CRYBG1: variants seen among roughly 807,000 people sequenced by gnomAD.
The protein encoded by CRYBG1 is crystallin beta-gamma domain containing 1.
Under a neutral mutation model 189.2 loss-of-function variants are expected in CRYBG1, and 139 were observed. The observed-to-expected ratio is 0.73, with a 90% CI of 0.64 to 0.85. CRYBG1 has a LOEUF of 0.85. Among genes scored for constraint, CRYBG1 ranks in the 40% least tolerant of loss-of-function variants. The probability of loss-of-function intolerance (pLI) is 0.00; values close to 1 mark genes in which losing one functional copy is unlikely to be tolerated. For missense variants in CRYBG1, 2,611 were observed against 2,675.8 expected, an observed-to-expected ratio of 0.98 and a Z score of 0.53; for synonymous variants, 1,023 against 1,017.1, an observed-to-expected ratio of 1.01 and a Z score of -0.11.
intron 17 of CRYBG1, among the ~76,000 whole-genome samples, chr6:106,557,604 T>C (rs1774582075): frequency 1.3e-5 from 2 of 152,134 alleles, no homozygotes; most frequent in Admixed American, 6.5e-5. Flanking sequence ...TGTTTGTTTT[T>C]GTATTTTTAA....
chr6:106,544,974 T>C lies in CRYBG1; in HGVS notation c.5312+41T>C, dbSNP rs1162150181. Reference sequence around the variant, plus strand: ...CAGTTGGAATTTTAAACATGCGTTTTACCTTGGTTTGTTTTAAACTGGTAA... The same window carrying C: ...CAGTTGGAATTTTAAACATGCGTTTCACCTTGGTTTGTTTTAAACTGGTAA... On this transcript the variant is annotated intron_variant, in intron 13 of 21. Transcript: ENST00000633556. The C allele has an allele frequency of 1.9e-6, 3 of 1,553,598 alleles. No homozygotes were observed. In the Admixed American group the frequency reaches 5.9e-5, roughly 31 times the overall value.
At chr6:106,563,179 T>C (rs899512966) in intron 20 of CRYBG1, among the ~76,000 whole-genome samples, 2 of 152,214 alleles carry the variant, frequency 1.3e-5, no homozygotes, top group Non-Finnish European at 2.9e-5. Flanking sequence ...GAAGGGCTCA[T>C]AAAATCTTTG....
intron 1 of CRYBG1, among the ~76,000 whole-genome samples, chr6:106,451,279 G>A (rs1771776871): frequency 6.6e-6 from 1 of 152,042 alleles, no homozygotes; most frequent in Non-Finnish European, 1.5e-5. Context: ...TCTCTAACTG[G>A]GATTCAGTTC....
rs770226107 is a variant in CRYBG1, at chr6:106,520,228, A to T, written c.3020A>T (p.Glu1007Val). The change falls in exon 4 of 22, where the codon GAG becomes GTG. Residue 1007 changes from glutamate to valine, a missense_variant. Glu to Val is a moderately radical substitution (Grantham distance 121). Coordinates refer to ENST00000633556, the MANE Select transcript of CRYBG1 (RefSeq NM_001371242.2). ...GTTGCAAGTTGTGCTCCCCCACAAGAGGAAGTACTGGGCAATGAACACTCT... is the reference window on the plus strand; with the variant it reads ...GTTGCAAGTTGTGCTCCCCCACAAGTGGAAGTACTGGGCAATGAACACTCT... ...VSVASCAPPQ[E>V]EVLGNEHSHC... 1.7e-5 allele frequency: 27 copies of T among 1,614,030 alleles called. No homozygotes were observed. In the East Asian group the frequency reaches 5.6e-4, roughly 33 times the overall value.
At chr6:106,364,605 T>C (rs182566028) in intron 1 of CRYBG1, among the ~76,000 whole-genome samples, 2 of 152,344 alleles carry the variant, frequency 1.3e-5, no homozygotes, top group Non-Finnish European at 2.9e-5. Context: ...CCATCCCCTG[T>C]CTAGTCCATA....
At chr6:106,538,710 T>C (rs1774059215) in intron 8 of CRYBG1, among the ~76,000 whole-genome samples, 1 of 151,972 alleles carries the variant, frequency 6.6e-6, no homozygotes, top group Non-Finnish European at 1.5e-5. Context: ...CTGGCCAATA[T>C]GGTGAGACCC....
intron 2 of CRYBG1, among the ~76,000 whole-genome samples, chr6:106,499,342 T>C (rs1367779473): frequency 7.2e-6 from 1 of 139,376 alleles, no homozygotes; most frequent in African/African-American, 2.7e-5. Flanking sequence ...TTTTTTTTAG[T>C]AGAGATGAGG....
rs1335181733 is a variant in CRYBG1 at position 106,519,394 on chromosome 6, C to T, written c.2186C>T (p.Pro729Leu). The change falls in exon 4 of 22, where the codon CCT (proline) becomes CTT (leucine). Residue 729 changes from proline (P) to leucine (L), a missense_variant. Around this residue, in one of 3 missense-constraint regions of CRYBG1, gnomAD observed 1,622 missense variants for 1,735.0 expected, o/e 0.93. Transcript: ENST00000633556. ...LAKKAKEMEQ[P>L]EKKVMPNSPQ... ...AAAAAAGCCAAAGAAATGGAGCAAC[C>T]TGAAAAGAAAGTAATGCCAAACAGT... 6.2e-7 allele frequency: 1 copy of T among 1,614,066 alleles called. No homozygotes were observed. The highest frequency in any genetic ancestry group is 1.7e-5 in the Admixed American group (1 of 60,022).
At chr6:106,401,578 C>A (rs1454794840) in intron 1 of CRYBG1, among the ~76,000 whole-genome samples, 1 of 107,692 alleles carries the variant, frequency 9.3e-6, no homozygotes, top group Non-Finnish European at 1.9e-5. Flanking sequence ...CACCACAGTC[C>A]CCAGAGTGTG....
In CRYBG1 at chr6:106,397,711, C is replaced by T. The variant is rs569579772; in HGVS notation, c.173+36630C>T. On this transcript the variant is annotated intron_variant, in intron 1 of 21. Transcript: ENST00000633556. ...GTGAAACCAGCGGGGCATATCACCACTAACTCCATGACTACTGAGTGACAA... is the reference window on the plus strand; with the variant it reads ...GTGAAACCAGCGGGGCATATCACCATTAACTCCATGACTACTGAGTGACAA... 3.3e-5 allele frequency among the ~76,000 whole-genome samples: 5 copies of T among 152,318 alleles called. No homozygotes were observed. The South Asian group carries it at 1.0e-3, about 32-fold the overall frequency.
chr6:106,552,436 A>C (rs1774427134), intron 15 of CRYBG1: 2 of 240,920 alleles, frequency 8.3e-6, no homozygotes, highest in East Asian at 9.7e-5. Context: ...AAAGACAAAA[A>C]TTAGCTGGGT....
At chr6:106,415,924 C>A (rs1330591438) in intron 1 of CRYBG1, among the ~76,000 whole-genome samples, 4 of 151,982 alleles carry the variant, frequency 2.6e-5, no homozygotes, top group Admixed American at 2.0e-4. Context: ...GCCTGGCAGT[C>A]CCCCCCATTC....
intron 1 of CRYBG1, among the ~76,000 whole-genome samples, chr6:106,447,283 A>G (rs1437450324): frequency 1.2e-4 from 18 of 152,126 alleles, no homozygotes. Flanking sequence ...CTCTGTTATG[A>G]CCACCTACAC....
Position 106,558,367 on chromosome 6 carries a change from A to T in CRYBG1, c.5716-119A>T, listed in dbSNP as rs560622524. ...CCAGGCTCCCTTGGAAAAGGAGTTT[A>T]TGGAAAGGCCAAATCTAGCAGATTT... is the stretch of plus-strand genomic sequence containing the variant. On this transcript the variant is annotated intron_variant, in intron 17 of 21. Transcript: ENST00000633556. The T allele has an allele frequency of 1.5e-4, 120 of 815,126 alleles. No individual in the cohort carries two copies. The African/African-American group carries it at 2.0e-3, about 14-fold the overall frequency. 50.5% of individuals were successfully genotyped at this position (815,126 alleles called of 1,614,324 possible).
At chr6:106,398,175 C>T (rs1770648864) in intron 1 of CRYBG1, among the ~76,000 whole-genome samples, 1 of 152,094 alleles carries the variant, frequency 6.6e-6, no homozygotes, top group Non-Finnish European at 1.5e-5. Context: ...TCAGATCTAC[C>T]AGACATGGGC....
chr6:106,464,051 G>C (rs557363511), intron 2 of CRYBG1, among the ~76,000 whole-genome samples: 1 of 152,310 alleles, frequency 6.6e-6, no homozygotes, highest in South Asian at 2.1e-4. Context: ...TAAATGCTTA[G>C]AGCCTTTGTG....
intron 2 of CRYBG1, among the ~76,000 whole-genome samples, chr6:106,481,783 A>T (rs1317262465): frequency 6.6e-6 from 1 of 152,136 alleles, no homozygotes; most frequent in Non-Finnish European, 1.5e-5. Flanking sequence ...CCTCAGGCCC[A>T]TCAGGGTCCT....
chr6:106,372,059 C>T (rs1310968466), intron 1 of CRYBG1, among the ~76,000 whole-genome samples: 1 of 152,208 alleles, frequency 6.6e-6, no homozygotes, highest in Non-Finnish European at 1.5e-5. Context: ...TCTGCTTTCT[C>T]ACTGCAGGAT....
chr6:106,497,277 A>T (rs183994415), intron 2 of CRYBG1, among the ~76,000 whole-genome samples: 1 of 152,294 alleles, frequency 6.6e-6, no homozygotes, highest in East Asian at 1.9e-4. Context: ...GTGGGAAAAG[A>T]CATTCGATGT....
Sources: gnomAD v4.1 joint callset for allele counts (sites outside exome capture counted in the v4.1 genomes callset) on GRCh38, gnomAD v4.1.1 for gene constraint, gnomAD v4.1.1 regional missense constraint, MANE v1.5 for transcripts, NCBI Gene and HGNC (gene_info 2026-07-23, HGNC 2026-07-21) for gene names.